N4BP2: variants seen among roughly 807,000 people sequenced by gnomAD.
The protein encoded by N4BP2 is NEDD4 binding protein 2.
A neutral mutation model predicts 152.8 loss-of-function variants in N4BP2; 91 were observed. The observed-to-expected ratio is 0.60, with a 90% CI of 0.50 to 0.71. N4BP2 has a LOEUF of 0.71. Ranked by LOEUF, N4BP2 falls within the 30% of genes least tolerant of loss-of-function variation. The pLI is 0.00. For synonymous variants in N4BP2, 646 were observed against 705.3 expected, an observed-to-expected ratio of 0.92 and a Z score of 1.33; for missense variants, 1,923 against 2,059.1, an observed-to-expected ratio of 0.93 and a Z score of 1.28.
At chr4:40,147,221 G>A (rs938095870) in intron 16 of N4BP2, among the ~76,000 whole-genome samples, 3 of 151,072 alleles carry the variant, frequency 2.0e-5, no homozygotes, top group Admixed American at 6.6e-5. Flanking sequence ...AGAGCACAGG[G>A]TTGGGGGTAA....
At chr4:40,059,759 G>T (rs796363763) in intron 1 of N4BP2, among the ~76,000 whole-genome samples, 2 of 152,258 alleles carry the variant, frequency 1.3e-5, no homozygotes, top group African/African-American at 4.8e-5. Flanking sequence ...TAATGAAGTG[G>T]CTTATGTGTA....
intron 1 of N4BP2, among the ~76,000 whole-genome samples, chr4:40,071,841 T>A (rs1468816282): frequency 6.6e-6 from 1 of 152,086 alleles, no homozygotes; most frequent in Non-Finnish European, 1.5e-5. Flanking sequence ...GCTGGGATTA[T>A]AGGTGTGAGC....
intron 2 of N4BP2, among the ~76,000 whole-genome samples, chr4:40,084,140 G>A (rs930641858): frequency 1.3e-5 from 2 of 151,960 alleles, no homozygotes; most frequent in East Asian, 1.9e-4. Flanking sequence ...TAGTAGAGAC[G>A]GGGTTTCGGC....
intron 16 of N4BP2, 34 bp from the exon 17 acceptor site, chr4:40,152,746 T>A: frequency 6.2e-7 from 1 of 1,610,464 alleles, no homozygotes. Context: ...GTAAGATAAA[T>A]GAATTTTAAC....
chr4:40,121,418 T>G lies in N4BP2; in HGVS notation c.3307T>G (p.Ser1103Ala). ...TCTTTGTAAACTGTTTGGATCCTTTTCATTAGAAGCCCTGAAAGACTTATA... is the reference window on the plus strand; with the variant it reads ...TCTTTGTAAACTGTTTGGATCCTTTGCATTAGAAGCCCTGAAAGACTTATA... ...NILCKLFGSFSLEALKDLYER... is the reference protein window; with the variant it reads ...NILCKLFGSFALEALKDLYER... The change falls in exon 9 of 18, where the codon TCA (serine) becomes GCA (alanine). Residue 1103 changes from serine to alanine, a missense_variant. By Grantham distance (99) the Ser-to-Ala change is moderately conservative. Transcript: ENST00000261435. The G allele has an allele frequency of 6.2e-7, 1 of 1,612,056 alleles. No individual in the cohort carries two copies. The highest frequency in any genetic ancestry group is 8.5e-7 in the Non-Finnish European group (1 of 1,179,432).
At chr4:40,136,444 GCA>G (rs1337195749) in intron 13 of N4BP2, among the ~76,000 whole-genome samples, 1 of 151,900 alleles carries the variant, frequency 6.6e-6, no homozygotes, top group Non-Finnish European at 1.5e-5. Flanking sequence ...GAGTGCAGTA[GCA>G]CCATCTCAGC....
chr4:40,182,867 G>T, the N4BP2 span, among the ~76,000 whole-genome samples: 1 of 151,904 alleles, frequency 6.6e-6, no homozygotes, highest in Non-Finnish European at 1.5e-5. Context: ...AGTAGAGACG[G>T]GGTTTCACCA....
chr4:40,123,287 C>A, intron 10 of N4BP2, 75 bp downstream of exon 10: 1 of 1,006,724 alleles, frequency 9.9e-7, no homozygotes, highest in Non-Finnish European at 1.5e-6. Context: ...AAATCTACCA[C>A]ATAATATTAA....
At chr4:40,075,214 A>G (rs1712609220) in intron 2 of N4BP2, among the ~76,000 whole-genome samples, 1 of 152,178 alleles carries the variant, frequency 6.6e-6, no homozygotes, top group Admixed American at 6.6e-5. Context: ...TTAATAAGTC[A>G]GTAATACCGA....
chr4:40,124,038 G>A (rs372242478), intron 10 of N4BP2, 122 bp from the exon 11 acceptor site: 1 of 612,598 alleles, frequency 1.6e-6, no homozygotes. Context: ...CTTAGATTGA[G>A]TAAGAATGGT....
chr4:40,171,433 C>T, the N4BP2 span, among the ~76,000 whole-genome samples: 2 of 152,188 alleles, frequency 1.3e-5, no homozygotes, highest in African/African-American at 2.4e-5. Context: ...GCCAGAGAAG[C>T]ATTTCAGTGT....
intron 2 of N4BP2, among the ~76,000 whole-genome samples, chr4:40,090,952 A>T (rs75852437): frequency 3.0e-5 from 3 of 100,056 alleles, no homozygotes; most frequent in African/African-American, 7.6e-5. Context: ...AAAAAAAAAA[A>T]AGTTTATAAG....
intron 2 of N4BP2, among the ~76,000 whole-genome samples, chr4:40,092,182 G>A (rs1299458542): frequency 6.7e-6 from 1 of 149,606 alleles, no homozygotes; most frequent in Non-Finnish European, 1.5e-5. Flanking sequence ...AAATGGATTG[G>A]AAGTGCTTTC....
intron 2 of N4BP2, among the ~76,000 whole-genome samples, chr4:40,094,286 G>A (rs1033076650): frequency 6.6e-6 from 1 of 152,112 alleles, no homozygotes; most frequent in South Asian, 2.1e-4. Flanking sequence ...TATGTGTTCT[G>A]TTAATACTTG....
At chr4:40,171,578 G>A in the N4BP2 span, among the ~76,000 whole-genome samples, 1 of 151,806 alleles carries the variant, frequency 6.6e-6, no homozygotes, top group African/African-American at 2.4e-5. Flanking sequence ...ATCTTAATTG[G>A]AGGTATTCTT....
At position 40,080,198 on chromosome 4, in the gene N4BP2, G is replaced by A. The variant is rs148009547; in HGVS notation, c.-115+6647G>A. On this transcript the variant is annotated intron_variant, in intron 2 of 17. Coordinates refer to ENST00000261435, the MANE Select transcript of N4BP2 (RefSeq NM_018177.6). ...GGCTCTCATGAAAAAAGGAAGATAC[G>A]TAAGATTAGATGATAAAATAGTTAA... Among the ~76,000 whole-genome samples, 856 of 151,964 alleles carry A rather than the reference G, an allele frequency of 5.6e-3. 8 individuals are homozygous for A. The highest frequency in any genetic ancestry group is 0.019 in the African/African-American group (806 of 41,476).
In N4BP2 at chr4:40,157,155, A is replaced by G. The variant is rs1721663594; in HGVS notation, c.*2918A>G. ...GGACCAGGGAGATATTAGACACTTA[A>G]CAGTATTTTCAGTCTGTCCATCTCT... On this transcript the variant is annotated 3_prime_UTR_variant, in exon 18 of 18. Transcript: ENST00000261435. 6.6e-6 allele frequency: 1 copy of G among 152,090 alleles called. No individual in the cohort carries two copies. The highest frequency in any genetic ancestry group is 2.4e-5 in the African/African-American group (1 of 41,444). The allele number at this position is 152,090 out of a possible 1,614,324, so 9.4% of individuals were successfully genotyped here. A position where few individuals can be genotyped will look rare whatever the true frequency, so the allele number is the denominator to read the frequency against.
At chr4:40,129,019 T>G (rs909003164) in intron 12 of N4BP2, among the ~76,000 whole-genome samples, 1 of 152,162 alleles carries the variant, frequency 6.6e-6, no homozygotes, top group Non-Finnish European at 1.5e-5. Flanking sequence ...TTACTCCTTT[T>G]TTTTGCTATC....
At chr4:40,096,696 G>A (rs1715136505) in intron 2 of N4BP2, among the ~76,000 whole-genome samples, 1 of 152,198 alleles carries the variant, frequency 6.6e-6, no homozygotes, top group Admixed American at 6.5e-5. Context: ...CTAGGGTGGT[G>A]GCAGTGAGGA....
Sources: allele counts gnomAD v4.1 joint callset (sites outside exome capture counted in the v4.1 genomes callset), GRCh38; gene constraint gnomAD v4.1.1; transcripts MANE v1.5; gene names NCBI Gene and HGNC (gene_info 2026-07-23, HGNC 2026-07-21).